The following DLGAP1 variants were observed in gnomAD, a reference collection of about 807,000 sequenced individuals.
The protein encoded by DLGAP1 is DLG associated protein 1, also known as disks large-associated protein 1.
DLGAP1 carries 11 observed loss-of-function variants against 90.8 expected under a neutral mutation model. The ratio of observed to expected loss-of-function variants is 0.12; its 90% CI spans 0.08 to 0.20. The LOEUF is 0.20. Among genes scored for constraint, DLGAP1 ranks in the 10% least tolerant of loss-of-function variants. The pLI is 1.00. For missense variants in DLGAP1, 1,050 were observed against 1,333.8 expected (o/e 0.79, Z 3.31); for synonymous variants, 558 against 540.7 (o/e 1.03, Z -0.44).
At chr18:4,070,034 G>T (rs955833844) in intron 2 of DLGAP1, among the ~76,000 whole-genome samples, 18 of 151,356 alleles carry the variant, frequency 1.2e-4, no homozygotes, top group African/African-American at 4.1e-4. Context: ...CTAGGCTGGA[G>T]TGCAGTGGTA....
chr18:4,144,530 G>A (rs2076552087), intron 2 of DLGAP1, among the ~76,000 whole-genome samples: 1 of 152,184 alleles, frequency 6.6e-6, no homozygotes, highest in African/African-American at 2.4e-5. Context: ...GTTTTTCAGT[G>A]CCTCTTTTAG....
At chr18:4,265,136 C>CTTCCTTCCTTCCTTCCT (rs1476655160) in intron 1 of DLGAP1, among the ~76,000 whole-genome samples, 1 of 129,466 alleles carries the variant, frequency 7.7e-6, no homozygotes, top group African/African-American at 3.4e-5. Flanking sequence ...CCTTCCTTTC[C>CTTCCTTCCTTCCTTCCT]TCCCTCCCTC....
At chr18:3,543,319 C>A (rs2052809817) in intron 9 of DLGAP1, among the ~76,000 whole-genome samples, 1 of 152,068 alleles carries the variant, frequency 6.6e-6, no homozygotes, top group Non-Finnish European at 1.5e-5. Context: ...TACAGGCGCC[C>A]ACCACCACGC....
intron 1 of DLGAP1, among the ~76,000 whole-genome samples, chr18:4,335,165 T>A (rs2081042101): frequency 6.6e-6 from 1 of 151,966 alleles, no homozygotes. Flanking sequence ...TAAACAATTA[T>A]CCCAATAGGA....
intron 1 of DLGAP1, among the ~76,000 whole-genome samples, chr18:4,218,947 T>C (rs1178637482): frequency 2.0e-5 from 3 of 151,936 alleles, no homozygotes; most frequent in East Asian, 3.9e-4. Flanking sequence ...ATAGTGCAGA[T>C]ATCTCTTTGA....
chr18:3,646,912 G>A (rs902291631), intron 7 of DLGAP1, among the ~76,000 whole-genome samples: 1 of 151,220 alleles, frequency 6.6e-6, no homozygotes, highest in Non-Finnish European at 1.5e-5. Context: ...GCAACAGGGC[G>A]AGACTCCATC....
intron 4 of DLGAP1, among the ~76,000 whole-genome samples, chr18:3,838,015 A>G (rs8092904): frequency 0.81 from 123,240 of 152,076 alleles, 50,254 homozygotes; most frequent in East Asian, 0.99. Flanking sequence ...ATTAAAAAAA[A>G]TATAGATTGG....
At chr18:4,354,285 A>C (rs971260691) in intron 1 of DLGAP1, among the ~76,000 whole-genome samples, 6 of 152,154 alleles carry the variant, frequency 3.9e-5, no homozygotes, top group Non-Finnish European at 8.8e-5. Context: ...ACCTAGAACG[A>C]TTACTCTAAC....
intron 7 of DLGAP1, among the ~76,000 whole-genome samples, chr18:3,642,939 C>T (rs34875780): frequency 0.34 from 52,136 of 152,020 alleles, 10,931 homozygotes; most frequent in African/African-American, 0.6. Context: ...AATTCAACCT[C>T]TAGGAGTTTA....
At chr18:4,089,366 G>T (rs1435579075) in intron 2 of DLGAP1, among the ~76,000 whole-genome samples, 1 of 152,106 alleles carries the variant, frequency 6.6e-6, no homozygotes, top group Non-Finnish European at 1.5e-5. Context: ...TTGTGAAAAT[G>T]GCCATACTGC....
chr18:3,784,082 C>T (rs1474609068), intron 5 of DLGAP1, among the ~76,000 whole-genome samples: 2 of 152,110 alleles, frequency 1.3e-5, no homozygotes, highest in African/African-American at 4.8e-5. Flanking sequence ...AGCATGAGGT[C>T]TTTTGTCTAC....
intron 1 of DLGAP1, among the ~76,000 whole-genome samples, chr18:4,252,799 C>T (rs897810384): frequency 1.3e-5 from 2 of 152,182 alleles, no homozygotes; most frequent in Non-Finnish European, 1.5e-5. Flanking sequence ...GATTATTTAT[C>T]GCCACAGAGC....
intron 7 of DLGAP1, among the ~76,000 whole-genome samples, chr18:3,678,469 G>A (rs1384338381): frequency 6.6e-6 from 1 of 152,064 alleles, no homozygotes; most frequent in African/African-American, 2.4e-5. Flanking sequence ...ATTTTATAAA[G>A]CAAAGCATGT....
At chr18:4,227,976 A>G (rs1445698931) in intron 1 of DLGAP1, among the ~76,000 whole-genome samples, 1 of 151,830 alleles carries the variant, frequency 6.6e-6, no homozygotes, top group Non-Finnish European at 1.5e-5. Flanking sequence ...AAATACAGAG[A>G]GAGAAGACCC....
At chr18:3,557,254 G>T (rs2064211774) in intron 9 of DLGAP1, among the ~76,000 whole-genome samples, 1 of 152,162 alleles carries the variant, frequency 6.6e-6, no homozygotes, top group South Asian at 2.1e-4. Context: ...GGGTGCGGTG[G>T]CTCACGCCTG....
chr18:3,952,760 G>A (rs949811543), intron 3 of DLGAP1, among the ~76,000 whole-genome samples: 1 of 152,202 alleles, frequency 6.6e-6, no homozygotes, highest in African/African-American at 2.4e-5. Context: ...ATGTTAGAGG[G>A]TACTGAACAG....
At chr18:3,897,867 TCA>T (rs1435438073) in intron 3 of DLGAP1, among the ~76,000 whole-genome samples, 5 of 140,056 alleles carry the variant, frequency 3.6e-5, no homozygotes, top group Non-Finnish European at 4.5e-5. Context: ...CAATCTCGGC[TCA>T]CTGCAAGCTC....
At chr18:3,667,690 G>A (rs926189712) in intron 7 of DLGAP1, among the ~76,000 whole-genome samples, 3 of 152,056 alleles carry the variant, frequency 2.0e-5, no homozygotes, top group Non-Finnish European at 1.5e-5. Context: ...CTTCCAGGTC[G>A]GTGTGACTGG....
intron 7 of DLGAP1, among the ~76,000 whole-genome samples, chr18:3,631,594 A>G (rs1259643939): frequency 6.6e-6 from 1 of 151,938 alleles, no homozygotes; most frequent in Non-Finnish European, 1.5e-5. Flanking sequence ...AAATAGTAAA[A>G]ATATTAGCTA....
Sources: gnomAD v4.1 joint callset for allele counts (sites outside exome capture counted in the v4.1 genomes callset) on GRCh38, gnomAD v4.1.1 for gene constraint, MANE v1.5 for transcripts, NCBI Gene and HGNC (gene_info 2026-07-23, HGNC 2026-07-21) for gene names.